Variants in TMEM132D observed in about 807,000 individuals in gnomAD.
TMEM132D encodes transmembrane protein 132D.
In TMEM132D, 21 loss-of-function variants were observed where a neutral mutation model predicts 62.3. The observed-to-expected ratio is 0.34, with a 90% CI of 0.24 to 0.49. TMEM132D has a LOEUF of 0.49. Among genes scored for constraint, TMEM132D ranks in the 20% least tolerant of loss-of-function variants. The pLI, the probability that TMEM132D is intolerant of heterozygous loss-of-function variation, is 0.99. For missense variants in TMEM132D, 1,346 were observed against 1,402.8 expected (o/e 0.96, Z 0.65); for synonymous variants, 621 against 575.6 (o/e 1.08, Z -1.13).
At chr12:129,136,776 A>ATCATCACTG (rs879294763) in intron 5 of TMEM132D, among the ~76,000 whole-genome samples, 1 of 148,900 alleles carries the variant, frequency 6.7e-6, no homozygotes, top group African/African-American at 2.5e-5. Context: ...CATCATCACC[A>ATCATCACTG]TCACCATCAT....
At chr12:129,145,866 C>T (rs1305412221) in intron 5 of TMEM132D, among the ~76,000 whole-genome samples, 1 of 152,068 alleles carries the variant, frequency 6.6e-6, no homozygotes, top group African/African-American at 2.4e-5. Flanking sequence ...GGTTCTTAGC[C>T]AGTAAAGCCC....
chr12:129,292,994 A>G (rs958192122), intron 4 of TMEM132D, among the ~76,000 whole-genome samples: 3 of 152,164 alleles, frequency 2.0e-5, no homozygotes, highest in Non-Finnish European at 4.4e-5. Context: ...TCTGTTTCCC[A>G]GAACGAGCCG....
chr12:129,645,658 G>A (rs1879758666), intron 2 of TMEM132D, among the ~76,000 whole-genome samples: 1 of 152,132 alleles, frequency 6.6e-6, no homozygotes, highest in South Asian at 2.1e-4. Flanking sequence ...AACCAGTGTT[G>A]AGATAGGGGT....
intron 2 of TMEM132D, among the ~76,000 whole-genome samples, chr12:129,613,899 G>A (rs1428489226): frequency 1.3e-5 from 2 of 151,612 alleles, no homozygotes; most frequent in African/African-American, 4.8e-5. Context: ...CAGAACCCAG[G>A]AGACTGGCTC....
chr12:129,880,798 G>A (rs112013869), intron 1 of TMEM132D, among the ~76,000 whole-genome samples: 4 of 152,014 alleles, frequency 2.6e-5, no homozygotes, highest in African/African-American at 7.2e-5. Flanking sequence ...CAGAGAAAAG[G>A]GGGATGCCAG....
At chr12:129,087,152 TC>T (rs1874647166) in intron 5 of TMEM132D, among the ~76,000 whole-genome samples, 1 of 152,146 alleles carries the variant, frequency 6.6e-6, no homozygotes, top group African/African-American at 2.4e-5. Flanking sequence ...ACTTCCCAGC[TC>T]CTGGAAACCC....
intron 1 of TMEM132D, among the ~76,000 whole-genome samples, chr12:129,866,710 G>A (rs1476517030): frequency 2.0e-5 from 3 of 152,086 alleles, no homozygotes; most frequent in Admixed American, 6.5e-5. Context: ...CAAACAGTAC[G>A]TAGGCTCTTC....
intron 3 of TMEM132D, among the ~76,000 whole-genome samples, chr12:129,465,684 A>C (rs1045720664): frequency 6.6e-6 from 1 of 151,910 alleles, no homozygotes; most frequent in Non-Finnish European, 1.5e-5. Context: ...TCATGAGTGA[A>C]CTCCTTATTT....
chr12:129,312,332 A>C (rs1387078780), intron 4 of TMEM132D, among the ~76,000 whole-genome samples: 2 of 152,148 alleles, frequency 1.3e-5, no homozygotes, highest in African/African-American at 4.8e-5. Flanking sequence ...TAGGGGGAAA[A>C]ACACTTAGGG....
chr12:129,646,186 T>C (rs1879773270), intron 2 of TMEM132D, among the ~76,000 whole-genome samples: 1 of 152,198 alleles, frequency 6.6e-6, no homozygotes. Context: ...TTGGGGAACT[T>C]TGGCTTATAA....
In TMEM132D at chr12:129,092,192, G is replaced by A. The variant is rs547724442; in HGVS notation, c.1444-7490C>T. On this transcript the variant is annotated intron_variant, in intron 5 of 8. Coordinates refer to ENST00000422113, the MANE Select transcript of TMEM132D (RefSeq NM_133448.3). ...GGTGTGCATAATCCGGCACTTATGT[G>A]AATTTAATGCCATTTCCTTCTTTTC... 4.6e-5 allele frequency among the ~76,000 whole-genome samples: 7 copies of A among 152,042 alleles called. No homozygotes were observed. In the South Asian group the frequency reaches 1.5e-3, roughly 32 times the overall value.
At chr12:129,681,203 CTT>C (rs570854341) in intron 2 of TMEM132D, among the ~76,000 whole-genome samples, 67 of 152,310 alleles carry the variant, frequency 4.4e-4, no homozygotes, top group African/African-American at 1.5e-3. Flanking sequence ...ATTAGTGACA[CTT>C]TTCATGACTA....
chr12:129,161,743 A>G (rs904623570), intron 5 of TMEM132D, among the ~76,000 whole-genome samples: 1 of 152,190 alleles, frequency 6.6e-6, no homozygotes, highest in Non-Finnish European at 1.5e-5. Flanking sequence ...CTATTTTGCC[A>G]TGTCAGAATT....
At chr12:129,817,073 G>A (rs1369267298) in intron 1 of TMEM132D, among the ~76,000 whole-genome samples, 3 of 152,156 alleles carry the variant, frequency 2.0e-5, no homozygotes, top group Non-Finnish European at 4.4e-5. Flanking sequence ...AATTGTTTAC[G>A]ACTGCAAAAG....
At chr12:129,585,241 C>T (rs1877990937) in intron 2 of TMEM132D, among the ~76,000 whole-genome samples, 1 of 152,072 alleles carries the variant, frequency 6.6e-6, no homozygotes, top group African/African-American at 2.4e-5. Context: ...AGGGAAAAAG[C>T]CAAGAGTGTT....
chr12:129,760,646 CTTTTT>C (rs67750432), intron 1 of TMEM132D, among the ~76,000 whole-genome samples: 1 of 147,002 alleles, frequency 6.8e-6, no homozygotes, highest in Admixed American at 6.7e-5. Context: ...TGCGCCCGGA[CTTTTT>C]TTTTTTTTCT....
At chr12:129,725,399 A>G (rs2398479) in intron 1 of TMEM132D, among the ~76,000 whole-genome samples, 124,262 of 152,230 alleles carry the variant, frequency 0.82, 51,413 homozygotes, top group Non-Finnish European at 0.9. Context: ...GTTCTGTAGT[A>G]TAAATACCAT....
At chr12:129,541,916 CACTCTTCTTAAAAACAAAGCCCTG>C (rs1876594690) in intron 2 of TMEM132D, among the ~76,000 whole-genome samples, 1 of 152,294 alleles carries the variant, frequency 6.6e-6, no homozygotes, top group Admixed American at 6.5e-5. Context: ...CCATCTCATC[CACTCTTCTTAAAAACAAAGCCCTG>C]ACTCTTCTTA....
At chr12:129,368,502 T>C (rs1045835161) in intron 3 of TMEM132D, among the ~76,000 whole-genome samples, 9 of 152,178 alleles carry the variant, frequency 5.9e-5, no homozygotes, top group African/African-American at 2.2e-4. Context: ...GCTTTGAGGA[T>C]AGGGAGTCTC....
Sources: gnomAD v4.1 joint callset for allele counts (sites outside exome capture counted in the v4.1 genomes callset) on GRCh38, gnomAD v4.1.1 for gene constraint, MANE v1.5 for transcripts, NCBI Gene and HGNC (gene_info 2026-07-23, HGNC 2026-07-21) for gene names.